Variants in DIAPH3 observed in about 807,000 individuals in gnomAD.
DIAPH3 encodes diaphanous related formin 3.
A neutral mutation model predicts 144.3 loss-of-function variants in DIAPH3; 117 were observed. The observed-to-expected ratio is 0.81, with a 90% CI of 0.70 to 0.95. DIAPH3 has a LOEUF of 0.95. DIAPH3 is among the 40% of genes least tolerant of loss of function. DIAPH3 has a pLI of 0.00. For missense variants in DIAPH3, 1,421 were observed against 1,412.7 expected (o/e 1.01, Z -0.09); for synonymous variants, 519 against 488.9 (o/e 1.06, Z -0.81).
chr13:59,776,945 C>CA lies in DIAPH3; in HGVS notation c.3164-2123dup, dbSNP rs140364989. ...TAACAAAACAAAACAAACAAACAAA[C>CA]AAACAAAAAAACCCTTTTCCTATAA... On this transcript the variant is annotated intron_variant, in intron 25 of 27. Coordinates refer to ENST00000400324, the MANE Select transcript of DIAPH3 (RefSeq NM_001042517.2). Among the ~76,000 whole-genome samples, 931 of 145,388 alleles carry CA rather than the reference C, an allele frequency of 6.4e-3. 10 individuals carry two copies. The highest frequency in any genetic ancestry group is 0.022 in the African/African-American group (869 of 39,316).
intron 20 of DIAPH3, among the ~76,000 whole-genome samples, chr13:59,898,349 G>A (rs777363266): frequency 1.3e-5 from 2 of 151,870 alleles, no homozygotes; most frequent in East Asian, 1.9e-4. Flanking sequence ...CTCATACAAC[G>A]TTTCATAACT....
intron 17 of DIAPH3, among the ~76,000 whole-genome samples, chr13:59,961,373 A>G (rs1262635936): frequency 6.6e-6 from 1 of 152,218 alleles, no homozygotes; most frequent in African/African-American, 2.4e-5. Context: ...TACGCTGTAA[A>G]AGCCAGGGTC....
intron 27 of DIAPH3, among the ~76,000 whole-genome samples, chr13:59,697,329 A>G (rs367992325): frequency 2.0e-4 from 30 of 151,664 alleles, no homozygotes; most frequent in African/African-American, 4.4e-4. Context: ...GCGTGGTGGC[A>G]GGCGCCTGTA....
intron 14 of DIAPH3, among the ~76,000 whole-genome samples, chr13:59,975,301 T>C (rs1301420853): frequency 6.6e-6 from 1 of 151,972 alleles, no homozygotes; most frequent in Non-Finnish European, 1.5e-5. Flanking sequence ...ATAACAACAA[T>C]GTAGAACTCC....
At chr13:60,137,159 TC>T (rs2059306134) in intron 1 of DIAPH3, among the ~76,000 whole-genome samples, 2 of 152,140 alleles carry the variant, frequency 1.3e-5, no homozygotes, top group Non-Finnish European at 2.9e-5. Flanking sequence ...TAATGACAGT[TC>T]CTAGGATGAA....
rs199782892 is a variant in DIAPH3 at position 60,163,593 on chromosome 13, G to A, written c.174C>T (p.Pro58=). 1 of 1,589,080 alleles carries A rather than the reference G, an allele frequency of 6.3e-7. No homozygotes were observed. Among genetic ancestry groups the A allele is most frequent in the Non-Finnish European group, 8.6e-7 (1 of 1,163,614 alleles). Residue 58 remains proline, a synonymous_variant, in exon 1 of 28, where the codon CCC becomes CCT. Coordinates refer to ENST00000400324, the MANE Select transcript of DIAPH3 (RefSeq NM_001042517.2). The part of the protein sequence containing the change: ...SGPEEPGEKR[P]KFHLNIRTLT... ...AGCTCCAGGCGATACTCACAAACTTGGGGCGCTTCTCCCCAGGCTCCTCGG... is the reference window on the plus strand; with the variant it reads ...AGCTCCAGGCGATACTCACAAACTTAGGGCGCTTCTCCCCAGGCTCCTCGG...
chr13:60,131,084 A>C (rs1472941569), intron 2 of DIAPH3, among the ~76,000 whole-genome samples: 1 of 152,176 alleles, frequency 6.6e-6, no homozygotes, highest in African/African-American at 2.4e-5. Flanking sequence ...CAATGTCCAT[A>C]AAATATGAAT....
chr13:59,995,330 T>A (rs551847535), intron 9 of DIAPH3, among the ~76,000 whole-genome samples: 23 of 152,032 alleles, frequency 1.5e-4, no homozygotes, highest in African/African-American at 5.5e-4. Flanking sequence ...AAATGTAGCA[T>A]ATGATCTCTC....
rs150310837 is a variant in DIAPH3 at position 59,701,369 on chromosome 13, C to G, written c.3320-34523G>C. Reference sequence around the variant, plus strand: ...TCCACAGTCTGAATCCAGTGCCTCTCTAGAGACATACACAGCACTTTGGCA... The same window carrying G: ...TCCACAGTCTGAATCCAGTGCCTCTGTAGAGACATACACAGCACTTTGGCA... On this transcript the variant is annotated intron_variant, in intron 27 of 27. Coordinates refer to ENST00000400324, the MANE Select transcript of DIAPH3 (RefSeq NM_001042517.2). 3.0e-3 allele frequency among the ~76,000 whole-genome samples: 464 copies of G among 152,280 alleles called. 2 individuals are homozygous for G. The highest frequency in any genetic ancestry group is 9.8e-3 in the African/African-American group (408 of 41,560).
At chr13:59,751,916 T>A (rs556066370) in intron 27 of DIAPH3, among the ~76,000 whole-genome samples, 2 of 152,338 alleles carry the variant, frequency 1.3e-5, no homozygotes, top group East Asian at 3.9e-4. Flanking sequence ...CTCATAGTCA[T>A]GTAAAACATT....
intron 4 of DIAPH3, among the ~76,000 whole-genome samples, chr13:60,076,637 T>G (rs147820830): frequency 1.3e-5 from 2 of 152,326 alleles, no homozygotes; most frequent in Admixed American, 1.3e-4. Context: ...GGTAGGATTT[T>G]TATTTCTTTC....
At chr13:59,730,031 T>C (rs1404422893) in intron 27 of DIAPH3, among the ~76,000 whole-genome samples, 2 of 152,058 alleles carry the variant, frequency 1.3e-5, no homozygotes, top group Admixed American at 1.3e-4. Context: ...ACAGTTTAGT[T>C]AGGCTCTTGA....
At chr13:60,028,759 T>C (rs952098977) in intron 5 of DIAPH3, among the ~76,000 whole-genome samples, 2 of 152,140 alleles carry the variant, frequency 1.3e-5, no homozygotes, top group Non-Finnish European at 2.9e-5. Context: ...AAACTTAACA[T>C]GTTAAAAAGG....
At chr13:59,685,443 T>C (rs143493290) in intron 27 of DIAPH3, among the ~76,000 whole-genome samples, 33 of 152,224 alleles carry the variant, frequency 2.2e-4, no homozygotes, top group Middle Eastern at 3.4e-3. Context: ...CTATCAAATA[T>C]AGGTCTCAAA....
intron 27 of DIAPH3, among the ~76,000 whole-genome samples, chr13:59,729,706 A>G (rs79869809): frequency 0.012 from 1,800 of 152,032 alleles, 27 homozygotes; most frequent in African/African-American, 0.04. Flanking sequence ...ACCAACATCA[A>G]TTTGCCAATT....
At chr13:60,143,477 G>A (rs1951368787) in intron 1 of DIAPH3, among the ~76,000 whole-genome samples, 2 of 152,084 alleles carry the variant, frequency 1.3e-5, no homozygotes, top group South Asian at 4.2e-4. Flanking sequence ...AAAAGACCAT[G>A]GTACACAAAA....
intron 5 of DIAPH3, 157 bp downstream of exon 5, chr13:60,042,533 C>T (rs2055755626): frequency 2.3e-6 from 2 of 881,240 alleles, no homozygotes; most frequent in Non-Finnish European, 3.5e-6. Context: ...GCAAAAGGTA[C>T]TATTGAGACT....
At chr13:59,995,817 T>G (rs1411721470) in intron 9 of DIAPH3, among the ~76,000 whole-genome samples, 1 of 151,834 alleles carries the variant, frequency 6.6e-6, no homozygotes, top group East Asian at 1.9e-4. Flanking sequence ...AAGACTCCAG[T>G]TCAAAATAAA....
At chr13:59,988,483 C>T (rs1398087480) in intron 12 of DIAPH3, among the ~76,000 whole-genome samples, 1 of 151,782 alleles carries the variant, frequency 6.6e-6, no homozygotes, top group Non-Finnish European at 1.5e-5. Context: ...TCCACAATGT[C>T]CAATTATGAG....
Sources: allele counts gnomAD v4.1 joint callset (sites outside exome capture counted in the v4.1 genomes callset), GRCh38; gene constraint gnomAD v4.1.1; transcripts MANE v1.5; gene names NCBI Gene and HGNC (gene_info 2026-07-23, HGNC 2026-07-21).